ZNF316: variants seen among roughly 807,000 people sequenced by gnomAD.
ZNF316 encodes zinc finger protein 316.
A neutral mutation model predicts 75.6 loss-of-function variants in ZNF316; 23 were observed. The observed-to-expected ratio is 0.30, with a 90% CI of 0.22 to 0.43. ZNF316 has a LOEUF of 0.43. ZNF316 is among the 20% of genes least tolerant of loss of function. The pLI is 1.00. For missense variants in ZNF316, 1,266 were observed against 1,409.4 expected (o/e 0.90, Z 1.63); for synonymous variants, 827 against 666.2 (o/e 1.24, Z -3.72).
intron 8 of ZNF316, among the ~76,000 whole-genome samples, chr7:6,645,918 C>T (rs1352588216): frequency 1.3e-4 from 19 of 144,090 alleles, no homozygotes; most frequent in South Asian, 1.1e-3. Flanking sequence ...CACTTGAACC[C>T]GGGAGGTGGA....
rs1334350978 is a variant in ZNF316 at position 6,637,678 on chromosome 7, G to C, written c.-430-168G>C. ...CCCGGACCCCCGTCCGGGCCTGCGC[G>C]TTGCCGACCCCCGGGGCCGGTCCGG... On this transcript the variant is annotated intron_variant, in intron 1 of 8. Coordinates refer to ENST00000382252, the MANE Select transcript of ZNF316 (RefSeq NM_001278559.2). This position sits in a 1 kb window ranked among gnomAD's most constrained non-coding sequence, Gnocchi z 6.2. 6.6e-6 allele frequency among the ~76,000 whole-genome samples: 1 copy of C among 151,244 alleles called. No homozygotes were observed. Among genetic ancestry groups the C allele is most frequent in the Non-Finnish European group, 1.5e-5 (1 of 67,766 alleles).
intron 8 of ZNF316, among the ~76,000 whole-genome samples, chr7:6,646,496 A>G (rs1269108882): frequency 6.6e-6 from 1 of 151,970 alleles, no homozygotes; most frequent in African/African-American, 2.4e-5. Context: ...GGGCAACAGT[A>G]CCCTTGTGGC....
In ZNF316 at chr7:6,652,337, CGAG is replaced by C; in HGVS notation, c.747_749del (p.Glu250del). 1.6e-6 allele frequency: 2 copies of C among 1,232,368 alleles called. No homozygotes were observed. Among genetic ancestry groups the C allele is most frequent in the Non-Finnish European group, 1.0e-6 (1 of 988,104 alleles). 76.3% of individuals were successfully genotyped at this position (1,232,368 alleles called of 1,614,324 possible). On this transcript the variant is annotated inframe_deletion, in exon 9 of 9. Coordinates refer to ENST00000382252, the MANE Select transcript of ZNF316 (RefSeq NM_001278559.2). ...TCTGGACGGACGACATAGAGGACCA[CGAG>C]GAGGAAGACGACGAGGACTTCCTGG... is the stretch of plus-strand genomic sequence containing the variant.
At chr7:6,648,318 C>A (rs1484591797) in intron 8 of ZNF316, among the ~76,000 whole-genome samples, 2 of 152,074 alleles carry the variant, frequency 1.3e-5, no homozygotes, top group African/African-American at 4.8e-5. Context: ...TGTGGCCCAG[C>A]CTCAAGAGGA....
At position 6,654,765 on chromosome 7, in the gene ZNF316, G is replaced by T; in HGVS notation, c.*154G>T. On this transcript the variant is annotated 3_prime_UTR_variant, in exon 9 of 9. Transcript: ENST00000382252. ...CTCGCCCTGCGGCCCCGGGTCTCAT[G>T]CCCGCCGGGTCCGTGTGCTCAGCCG... 2 of 605,792 alleles carry T rather than the reference G, an allele frequency of 3.3e-6. No homozygotes were observed. The highest frequency in any genetic ancestry group is 4.5e-6 in the Non-Finnish European group (2 of 443,732). The allele number at this position is 605,792 out of a possible 1,614,324, so 37.5% of individuals were successfully genotyped here.
At chr7:6,646,391 G>GT (rs1442458662) in intron 8 of ZNF316, among the ~76,000 whole-genome samples, 1 of 152,216 alleles carries the variant, frequency 6.6e-6, no homozygotes, top group Non-Finnish European at 1.5e-5. Flanking sequence ...GTCCCTCAGC[G>GT]TGTGGTCTAC....
At chr7:6,638,705 C>T (rs577203686) in intron 2 of ZNF316, among the ~76,000 whole-genome samples, 81 of 152,166 alleles carry the variant, frequency 5.3e-4, no homozygotes, top group African/African-American at 1.8e-3. Context: ...GAGGTCGAGG[C>T]GGGTGGATCA....
intron 7 of ZNF316, 22 bp from the exon 8 acceptor site, chr7:6,644,458 C>T: frequency 1.6e-6 from 2 of 1,223,518 alleles, no homozygotes; most frequent in East Asian, 3.2e-5. Flanking sequence ...CCGCCTGCAG[C>T]CGCCGTCTGT....
chr7:6,641,288 C>G (rs1220654531), intron 3 of ZNF316, among the ~76,000 whole-genome samples: 1 of 152,206 alleles, frequency 6.6e-6, no homozygotes, highest in Non-Finnish European at 1.5e-5. Context: ...CATGGCCTCT[C>G]CCCCTGGATT....
chr7:6,657,372 C>CTACTTG lies in ZNF316; in HGVS notation c.*2762_*2767dup, dbSNP rs1277520993. The stretch of plus-strand genomic sequence containing the variant: ...TAGTGGTATGCATCTGTAGTCCCAT[C>CTACTTG]TACTTGGGAGGCTGAGGTGGGAGGA... On this transcript the variant is annotated 3_prime_UTR_variant, in exon 9 of 9. Coordinates refer to ENST00000382252, the MANE Select transcript of ZNF316 (RefSeq NM_001278559.2). Among the ~76,000 whole-genome samples, 1 of 146,250 alleles carries CTACTTG rather than the reference C, an allele frequency of 6.8e-6. No individual in the cohort carries two copies. Among genetic ancestry groups the CTACTTG allele is most frequent in the South Asian group, 2.1e-4 (1 of 4,668 alleles).
Position 6,653,865 on chromosome 7 carries a change from G to A in ZNF316, c.2269G>A (p.Ala757Thr). The change falls in exon 9 of 9, where the codon GCC becomes ACC. Residue 757 changes from alanine (A) to threonine (T), a missense_variant. Physicochemically the swap from Ala to Thr is moderately conservative, Grantham distance 58. Around this residue, in one of 3 missense-constraint regions of ZNF316, gnomAD observed 194 missense variants for 319.2 expected, o/e 0.61. Coordinates refer to ENST00000382252, the MANE Select transcript of ZNF316 (RefSeq NM_001278559.2). ...GTGCCCCGAGTGCGGCGCGCGGTTC[G>A]CCCGCGGCTCGCACTTGGCGGCGCA... is the stretch of plus-strand genomic sequence containing the variant. ...FPCPECGARF[A>T]RGSHLAAHVR... 1 of 1,081,596 alleles carries A rather than the reference G, an allele frequency of 9.2e-7. No individual in the cohort carries two copies. The highest frequency in any genetic ancestry group is 5.7e-5 in the East Asian group (1 of 17,504). The allele number at this position is 1,081,596 out of a possible 1,614,324, so 67.0% of individuals were successfully genotyped here.
intron 8 of ZNF316, among the ~76,000 whole-genome samples, chr7:6,645,724 G>A (rs1442656372): frequency 1.3e-5 from 2 of 151,062 alleles, no homozygotes; most frequent in South Asian, 2.1e-4. Context: ...GGCTAGGTGC[G>A]GTGTCTCATG....
Position 6,652,467 on chromosome 7 carries a change from G to A in ZNF316, c.871G>A (p.Ala291Thr). The A allele has an allele frequency of 8.1e-7, 1 of 1,231,810 alleles. No homozygotes were observed. Among genetic ancestry groups the A allele is most frequent in the Non-Finnish European group, 1.0e-6 (1 of 987,792 alleles). The allele number at this position is 1,231,810 out of a possible 1,614,324, so 76.3% of individuals were successfully genotyped here. The change falls in exon 9 of 9, where the codon GCG (alanine) becomes ACG (threonine). Residue 291 changes from alanine to threonine, a missense_variant. By Grantham distance (58) the Ala-to-Thr change is moderately conservative (BLOSUM62 0). Transcript: ENST00000382252. ...GTWGPDDSDS[A>T]QTPEGWGPDP... ...GTGGGGGCCCGACGACTCGGATTCG[G>A]CGCAGACTCCAGAGGGGTGGGGACC... is the stretch of plus-strand genomic sequence containing the variant.
In ZNF316 at chr7:6,640,254, G is replaced by T. The variant is rs1378963949; in HGVS notation, c.-167+1113G>T. 6.6e-6 allele frequency among the ~76,000 whole-genome samples: 1 copy of T among 152,166 alleles called. No homozygotes were observed. ...CAGGCTGTTCTCGCATTGCTGTAAAGAAATACCTGAGACTGGGTCATTTAT... is the reference window on the plus strand; with the variant it reads ...CAGGCTGTTCTCGCATTGCTGTAAATAAATACCTGAGACTGGGTCATTTAT... On this transcript the variant is annotated intron_variant, in intron 3 of 8. Transcript: ENST00000382252. This position sits in a 1 kb window ranked among gnomAD's most constrained non-coding sequence, Gnocchi z 5.1.
In ZNF316 at chr7:6,652,815, G is replaced by C; in HGVS notation, c.1219G>C (p.Gly407Arg). ...GEKPFPCPDC[G>R]KRFVYKSHLV... ...GAAGCCCTTCCCGTGCCCGGACTGC[G>C]GCAAGCGCTTCGTCTACAAGTCGCA... The change falls in exon 9 of 9, where the codon GGC becomes CGC. Residue 407 changes from glycine to arginine, a missense_variant. By Grantham distance (125) the Gly-to-Arg change is moderately radical (BLOSUM62 -2). Transcript: ENST00000382252. 1 of 1,266,358 alleles carries C rather than the reference G, an allele frequency of 7.9e-7. No homozygotes were observed. 78.4% of individuals were successfully genotyped at this position (1,266,358 alleles called of 1,614,324 possible).
In ZNF316 at chr7:6,642,344, T is replaced by C. The variant is rs1386030139; in HGVS notation, c.-28-38T>C. On this transcript the variant is annotated intron_variant, in intron 4 of 8. Transcript: ENST00000382252. This position sits in a 1 kb window ranked among gnomAD's most constrained non-coding sequence, Gnocchi z 8.1. Reference sequence around the variant, plus strand: ...CCTGTGAGGGGACCGTGTGGTGTGCTGAGAGCAGCCCGTCACTGGCGTCCA... The same window carrying C: ...CCTGTGAGGGGACCGTGTGGTGTGCCGAGAGCAGCCCGTCACTGGCGTCCA... 9.1e-7 allele frequency: 1 copy of C among 1,093,226 alleles called. No individual in the cohort carries two copies. Among genetic ancestry groups the C allele is most frequent in the South Asian group, 4.8e-5 (1 of 21,002 alleles). 67.7% of individuals were successfully genotyped at this position (1,093,226 alleles called of 1,614,324 possible).
chr7:6,642,500 G>A lies in ZNF316; in HGVS notation c.91G>A (p.Glu31Lys). The stretch of plus-strand genomic sequence containing the variant: ...AGAGTGCGACCCTGACCAGGAAGAA[G>A]AGGAGGAGGAGGAGGAAAAGGGGGA... ...GSECDPDQEEEEEEEEKGEEV... is the reference protein window; with the variant it reads ...GSECDPDQEEKEEEEEKGEEV... Residue 31 changes from glutamate to lysine, a missense_variant, in exon 5 of 9, where the codon GAG (glutamate) becomes AAG (lysine). Physicochemically the swap from Glu to Lys is moderately conservative, Grantham distance 56 (BLOSUM62 1). Coordinates refer to ENST00000382252, the MANE Select transcript of ZNF316 (RefSeq NM_001278559.2). This position sits in a 1 kb window ranked among gnomAD's most constrained non-coding sequence, Gnocchi z 8.1. The A allele has an allele frequency of 1.6e-6, 2 of 1,226,616 alleles. No homozygotes were observed. Among genetic ancestry groups the A allele is most frequent in the Non-Finnish European group, 2.0e-6 (2 of 982,326 alleles). 76.0% of individuals were successfully genotyped at this position (1,226,616 alleles called of 1,614,324 possible). A position where few individuals can be genotyped will look rare whatever the true frequency, so the allele number is the denominator to read the frequency against.
chr7:6,640,269 G>A lies in ZNF316; in HGVS notation c.-167+1128G>A, dbSNP rs1176135876. On this transcript the variant is annotated intron_variant, in intron 3 of 8. Transcript: ENST00000382252. This position sits in a 1 kb window ranked among gnomAD's most constrained non-coding sequence, Gnocchi z 5.1. ...TTGCTGTAAAGAAATACCTGAGACT[G>A]GGTCATTTATAAAGAAGAGGTGAGA... Among the ~76,000 whole-genome samples, 6 of 152,178 alleles carry A rather than the reference G, an allele frequency of 3.9e-5. No homozygotes were observed. In the South Asian group the frequency reaches 1.2e-3, roughly 32 times the overall value.
Position 6,657,613 on chromosome 7 carries a change from G to A in ZNF316, c.*3002G>A, listed in dbSNP as rs1306905159. On this transcript the variant is annotated 3_prime_UTR_variant, in exon 9 of 9. Coordinates refer to ENST00000382252, the MANE Select transcript of ZNF316 (RefSeq NM_001278559.2). ...TGGGAGGCCAAGGCGGATCCCTTGA[G>A]CTCAGATGGATTCCTTGAGCTCAGG... Among the ~76,000 whole-genome samples, 1 of 152,008 alleles carries A rather than the reference G, an allele frequency of 6.6e-6. No homozygotes were observed. The highest frequency in any genetic ancestry group is 2.4e-5 in the African/African-American group (1 of 41,388).
Sources: allele counts gnomAD v4.1 joint callset (sites outside exome capture counted in the v4.1 genomes callset), GRCh38; gene constraint gnomAD v4.1.1; regional missense constraint gnomAD v4.1.1; non-coding constraint Gnocchi (gnomAD v3.1); transcripts MANE v1.5; gene names NCBI Gene and HGNC (gene_info 2026-07-23, HGNC 2026-07-21).